The following OCA2 variants were observed in gnomAD, a reference collection of about 807,000 sequenced individuals.
OCA2 encodes P protein.
A neutral mutation model predicts 100.2 loss-of-function variants in OCA2; 77 were observed. The observed-to-expected ratio is 0.77, with a 90% CI of 0.64 to 0.93. The LOEUF is 0.93. OCA2 is among the 40% of genes least tolerant of loss of function. The probability of loss-of-function intolerance (pLI) is 0.00; values close to 1 mark genes in which losing one functional copy is unlikely to be tolerated. For synonymous variants in OCA2, 432 were observed against 439.2 expected, an observed-to-expected ratio of 0.98 and a Z score of 0.21; for missense variants, 1,062 against 1,089.1, an observed-to-expected ratio of 0.98 and a Z score of 0.35.
At chr15:27,733,635 G>A in the OCA2 span, among the ~76,000 whole-genome samples, 1 of 152,164 alleles carries the variant, frequency 6.6e-6, no homozygotes, top group Non-Finnish European at 1.5e-5. Flanking sequence ...ACAAGCAGGG[G>A]TCTTTGTATT....
chr15:27,949,431 G>A lies in OCA2; in HGVS notation c.1951+2353C>T, dbSNP rs570234903. Among the ~76,000 whole-genome samples the A allele has an allele frequency of 7.2e-5, 11 of 152,328 alleles. No homozygotes were observed. In the East Asian group the frequency reaches 2.1e-3, roughly 29 times the overall value. On this transcript the variant is annotated intron_variant, in intron 18 of 23. Transcript: ENST00000354638. ...TAATCCCCGCACTTTGGGAGGCTGA[G>A]GCGGGAGGATCACCTGAGGTCAGCA...
chr15:28,082,254 G>A lies in OCA2; in HGVS notation c.-21-359C>T, dbSNP rs185336034. ...TGTAAAATGGACCAATCAGCAGGAC[G>A]TGGGCGGGGACAAATAAGGGAATAA... is the stretch of plus-strand genomic sequence containing the variant. On this transcript the variant is annotated intron_variant, in intron 1 of 23. Transcript: ENST00000354638. Among the ~76,000 whole-genome samples, 128 of 152,296 alleles carry A rather than the reference G, an allele frequency of 8.4e-4. 1 individual carries two copies. The highest frequency in any genetic ancestry group is 2.7e-3 in the African/African-American group (111 of 41,556).
chr15:27,844,561 G>C (rs2035462202), intron 23 of OCA2, among the ~76,000 whole-genome samples: 1 of 152,096 alleles, frequency 6.6e-6, no homozygotes, highest in Non-Finnish European at 1.5e-5. Flanking sequence ...CCAGGCTGGA[G>C]TGCAGTGGTG....
Position 27,851,419 on chromosome 15 carries a change from C to A in OCA2, c.2301G>T (p.Pro767=), listed in dbSNP as rs566250675. The change falls in exon 22 of 24, where the codon CCG becomes CCT. Residue 767 remains proline (P), a synonymous_variant. Coordinates refer to ENST00000354638, the MANE Select transcript of OCA2 (RefSeq NM_000275.3). ...CACCGAAGGCCAGGGCATACATGAG[C>A]GGCGGTGCGGGCAGGCCAACCTCAG... The part of the protein sequence containing the change: ...HDPEVGLPAP[P]LMYALAFGAC... The A allele has an allele frequency of 1.9e-6, 3 of 1,613,964 alleles. No homozygotes were observed. In the East Asian group the frequency reaches 6.7e-5, roughly 36 times the overall value.
At chr15:27,979,176 T>TA (rs2041065021) in intron 14 of OCA2, among the ~76,000 whole-genome samples, 1 of 152,220 alleles carries the variant, frequency 6.6e-6, no homozygotes, top group African/African-American at 2.4e-5. Flanking sequence ...GACTTTGTGT[T>TA]AGATTTTGCC....
intron 9 of OCA2, among the ~76,000 whole-genome samples, chr15:28,011,530 GA>G (rs112437786): frequency 2.8e-4 from 39 of 139,010 alleles, no homozygotes; most frequent in Admixed American, 3.6e-4. Flanking sequence ...AAGTAAAACT[GA>G]AAAAAAAAAA....
intron 2 of OCA2, among the ~76,000 whole-genome samples, chr15:28,055,682 G>C (rs1188894110): frequency 6.6e-6 from 1 of 152,212 alleles, no homozygotes; most frequent in East Asian, 1.9e-4. Context: ...GAGTGGGTAT[G>C]GCCAGCGGGG....
chr15:27,908,773 T>C (rs2038276210), intron 19 of OCA2, among the ~76,000 whole-genome samples: 1 of 152,210 alleles, frequency 6.6e-6, no homozygotes, highest in African/African-American at 2.4e-5. Context: ...CTCAGGTTTT[T>C]ATTGGGGTCT....
chr15:28,065,712 G>T (rs1262693897), intron 2 of OCA2, among the ~76,000 whole-genome samples: 1 of 151,990 alleles, frequency 6.6e-6, no homozygotes, highest in East Asian at 1.9e-4. Flanking sequence ...AGATAAATTA[G>T]GGGGAAACTG....
chr15:27,971,540 G>T (rs2040792042), intron 14 of OCA2, among the ~76,000 whole-genome samples: 1 of 152,100 alleles, frequency 6.6e-6, no homozygotes, highest in Admixed American at 6.5e-5. Flanking sequence ...CTTGTGGCTG[G>T]GGAATAAGTG....
intron 21 of OCA2, among the ~76,000 whole-genome samples, chr15:27,862,036 CACAG>C (rs1475274868): frequency 1.3e-5 from 2 of 152,230 alleles, no homozygotes; most frequent in African/African-American, 4.8e-5. Context: ...TTTACGTCCT[CACAG>C]ACAGAAAGCA....
At chr15:27,818,356 T>TGGGTAA (rs2034383684) in intron 23 of OCA2, among the ~76,000 whole-genome samples, 2 of 152,094 alleles carry the variant, frequency 1.3e-5, no homozygotes, top group African/African-American at 4.8e-5. Context: ...ACCACCGCAC[T>TGGGTAA]CCAGCCTGGG....
chr15:27,788,789 TC>T (rs2032941925), intron 23 of OCA2, among the ~76,000 whole-genome samples: 1 of 152,118 alleles, frequency 6.6e-6, no homozygotes, highest in African/African-American at 2.4e-5. Flanking sequence ...TGTTCCTGTT[TC>T]TTTTTACTAC....
chr15:27,855,446 C>T (rs2035915076), intron 21 of OCA2, among the ~76,000 whole-genome samples: 1 of 152,232 alleles, frequency 6.6e-6, no homozygotes, highest in Admixed American at 6.5e-5. Context: ...CCCACATCTC[C>T]ACCTAGGCAC....
At position 28,081,680 on chromosome 15, in the gene OCA2, G is replaced by C; in HGVS notation, c.195C>G (p.Gly65=). ...TTGTGAGGAATGAAGCAAACTCCTG[G>C]CCTGCAGGAGCCCAAGAGCTCTGCC... is the stretch of plus-strand genomic sequence containing the variant. ...AAGQSSWAPA[G]QEFASFLTKG... The change falls in exon 2 of 24, where the codon GGC becomes GGG. Residue 65 remains glycine, a synonymous_variant. Coordinates refer to ENST00000354638, the MANE Select transcript of OCA2 (RefSeq NM_000275.3). The C allele has an allele frequency of 1.9e-6, 3 of 1,613,806 alleles. No homozygotes were observed. Among genetic ancestry groups the C allele is most frequent in the Non-Finnish European group, 2.5e-6 (3 of 1,180,004 alleles).
Position 28,032,177 on chromosome 15 carries a change from G to T in OCA2, c.228-14C>A, listed in dbSNP as rs1293089411. ...GAAGAGTGAGACCTGAAAGAGACAGGGTAGGAAACAGAATCACCAACACAG... is the reference window on the plus strand; with the variant it reads ...GAAGAGTGAGACCTGAAAGAGACAGTGTAGGAAACAGAATCACCAACACAG... On this transcript the variant is annotated splice_polypyrimidine_tract_variant and intron_variant, in intron 2 of 23. Transcript: ENST00000354638. The T allele has an allele frequency of 6.3e-7, 1 of 1,577,128 alleles. No individual in the cohort carries two copies. Among genetic ancestry groups the T allele is most frequent in the East Asian group, 2.2e-5 (1 of 44,678 alleles).
intron 20 of OCA2, among the ~76,000 whole-genome samples, chr15:27,871,559 C>T (rs939933154): frequency 2.0e-5 from 3 of 152,192 alleles, no homozygotes; most frequent in Non-Finnish European, 2.9e-5. Context: ...CCTGATGGCC[C>T]GGCAGACCCC....
the OCA2 span, among the ~76,000 whole-genome samples, chr15:27,740,721 C>A: frequency 6.6e-6 from 1 of 152,120 alleles, no homozygotes; most frequent in Non-Finnish European, 1.5e-5. Context: ...TCAGATCCTG[C>A]CTGAAGAAGC....
intron 9 of OCA2, among the ~76,000 whole-genome samples, chr15:28,013,144 C>A (rs1340802805): frequency 2.6e-5 from 4 of 152,118 alleles, no homozygotes; most frequent in Admixed American, 6.5e-5. Flanking sequence ...AGGCCAGACC[C>A]CTGCACACCT....
Sources: gnomAD v4.1 joint callset for allele counts (sites outside exome capture counted in the v4.1 genomes callset) on GRCh38, gnomAD v4.1.1 for gene constraint, MANE v1.5 for transcripts, NCBI Gene and HGNC (gene_info 2026-07-23, HGNC 2026-07-21) for gene names.